RIC1: variants seen among roughly 807,000 people sequenced by gnomAD.
RIC1 encodes the protein RIC1 partner of RAB6A GEF complex, also known as guanine nucleotide exchange factor subunit RIC1.
Under a neutral mutation model 169.0 loss-of-function variants are expected in RIC1, and 88 were observed. The ratio of observed to expected loss-of-function variants is 0.52; its 90% confidence interval spans 0.44 to 0.62. The LOEUF (loss-of-function observed/expected upper bound fraction) is 0.62, where lower values mean the gene tolerates loss of function less well. RIC1 is among the 20% of genes least tolerant of loss of function. The pLI is 0.00. For missense variants in RIC1, 1,877 were observed against 1,725.5 expected, an observed-to-expected ratio of 1.09 and a Z score of -1.56; for synonymous variants, 790 against 601.5, an observed-to-expected ratio of 1.31 and a Z score of -4.59.
intron 2 of RIC1, among the ~76,000 whole-genome samples, chr9:5,687,160 T>C: frequency 6.6e-6 from 1 of 152,198 alleles, no homozygotes; most frequent in East Asian, 1.9e-4. Flanking sequence ...ATTCTTTTAA[T>C]ACCTCTAGAA....
At chr9:5,747,236 C>G in intron 11 of RIC1, 66 bp from the exon 12 acceptor site, 2 of 1,218,090 alleles carry the variant, frequency 1.6e-6, no homozygotes, top group Non-Finnish European at 2.4e-6. Flanking sequence ...TTTTTGCCTG[C>G]GTAATATTGA....
chr9:5,747,591 C>G (rs1045739681), intron 12 of RIC1, 86 bp downstream of exon 12: 10 of 1,173,918 alleles, frequency 8.5e-6, no homozygotes, highest in Non-Finnish European at 1.2e-5. Flanking sequence ...CATCTGTTAA[C>G]TTCAGGCAAC....
chr9:5,732,587 C>A, intron 7 of RIC1, 108 bp downstream of exon 7: 1 of 594,988 alleles, frequency 1.7e-6, no homozygotes, highest in Non-Finnish European at 2.9e-6. Flanking sequence ...CTGCATCATG[C>A]TATCATAATT....
intron 2 of RIC1, among the ~76,000 whole-genome samples, chr9:5,673,027 G>GT (rs772558553): frequency 3.3e-5 from 5 of 152,110 alleles, no homozygotes; most frequent in Non-Finnish European, 7.4e-5. Context: ...GAATGCCTTG[G>GT]TATTGGAGCT....
intron 4 of RIC1, chr9:5,719,155 G>A (rs1372127486): frequency 6.6e-6 from 1 of 152,052 alleles, no homozygotes; most frequent in Admixed American, 6.6e-5. Context: ...TGGCTTTCTT[G>A]ATATCAGTTT....
intron 8 of RIC1, among the ~76,000 whole-genome samples, chr9:5,739,861 A>AT (rs57123805): frequency 0.32 from 49,102 of 151,968 alleles, 8,818 homozygotes; most frequent in East Asian, 0.6. Flanking sequence ...GCAGGGTCCC[A>AT]TTTTTTTCCA....
intron 1 of RIC1, among the ~76,000 whole-genome samples, chr9:5,643,693 G>C (rs1408947896): frequency 2.6e-5 from 4 of 152,080 alleles, no homozygotes; most frequent in Non-Finnish European, 4.4e-5. Flanking sequence ...CTATGTGATT[G>C]TTTACTTCAG....
chr9:5,766,867 G>C (rs187190604), intron 21 of RIC1, among the ~76,000 whole-genome samples: 2 of 152,304 alleles, frequency 1.3e-5, no homozygotes, highest in Admixed American at 6.5e-5. Flanking sequence ...CCAGTAGTGA[G>C]ATTGCTGGAT....
At chr9:5,709,598 C>A (rs964419812) in intron 3 of RIC1, among the ~76,000 whole-genome samples, 2 of 152,158 alleles carry the variant, frequency 1.3e-5, no homozygotes, top group Non-Finnish European at 2.9e-5. Flanking sequence ...TATTCCTATT[C>A]TCCTGGCATT....
intron 2 of RIC1, among the ~76,000 whole-genome samples, chr9:5,688,624 T>C (rs1821400924): frequency 6.6e-6 from 1 of 152,192 alleles, no homozygotes; most frequent in African/African-American, 2.4e-5. Flanking sequence ...CTTACAGTGT[T>C]GAAACTCTAG....
Position 5,669,865 on chromosome 9 carries a change from A to T in RIC1, c.252+13175A>T, listed in dbSNP as rs562991163. Reference sequence around the variant, plus strand: ...TAAAACAACAGGATTCTTGCTGAAGACAGACCAGGGTGATCAGACATCACT... The same window carrying T: ...TAAAACAACAGGATTCTTGCTGAAGTCAGACCAGGGTGATCAGACATCACT... On this transcript the variant is annotated intron_variant, in intron 2 of 25. Transcript: ENST00000414202. Among the ~76,000 whole-genome samples the T allele has an allele frequency of 2.0e-5, 3 of 152,328 alleles. No homozygotes were observed. In the East Asian group the frequency reaches 5.8e-4, roughly 29 times the overall value.
chr9:5,651,042 G>C (rs1243480362), intron 1 of RIC1, among the ~76,000 whole-genome samples: 1 of 152,182 alleles, frequency 6.6e-6, no homozygotes, highest in African/African-American at 2.4e-5. Flanking sequence ...AGGTGGTACA[G>C]GACCCAGTGT....
intron 6 of RIC1, among the ~76,000 whole-genome samples, chr9:5,730,060 G>A (rs753361934): frequency 6.6e-6 from 1 of 152,064 alleles, no homozygotes; most frequent in Admixed American, 6.6e-5. Flanking sequence ...ATGAAAAGCA[G>A]ATGGGCATTA....
chr9:5,744,656 C>T (rs1163769747), intron 10 of RIC1, among the ~76,000 whole-genome samples: 1 of 151,936 alleles, frequency 6.6e-6, no homozygotes, highest in Non-Finnish European at 1.5e-5. Context: ...TTGACTGCAG[C>T]TCATCACATG....
chr9:5,757,502 A>G, intron 17 of RIC1, 51 bp downstream of exon 17: 2 of 1,584,298 alleles, frequency 1.3e-6, no homozygotes, highest in East Asian at 4.5e-5. Flanking sequence ...TGTTTTTAGT[A>G]TTTGAGTCCA....
chr9:5,746,476 G>T (rs901283208), intron 11 of RIC1, among the ~76,000 whole-genome samples: 1 of 152,004 alleles, frequency 6.6e-6, no homozygotes, highest in Admixed American at 6.6e-5. Context: ...TCAAATAAAG[G>T]TAAAACAAAA....
rs1195246786 is a variant in RIC1 at position 5,776,378 on chromosome 9, T to C, written c.*2132T>C. 2.6e-5 allele frequency: 4 copies of C among 152,148 alleles called. No individual in the cohort carries two copies. Among genetic ancestry groups the C allele is most frequent in the African/African-American group, 9.6e-5 (4 of 41,456 alleles). The allele number at this position is 152,148 out of a possible 1,614,324, so 9.4% of individuals were successfully genotyped here. A position where few individuals can be genotyped will look rare whatever the true frequency, so the allele number is the denominator to read the frequency against. Reference sequence around the variant, plus strand: ...TAATTTTAGCCAATGAATTTAAATATTCAGTATAACTATTTGAGGTTTACT... The same window carrying C: ...TAATTTTAGCCAATGAATTTAAATACTCAGTATAACTATTTGAGGTTTACT... On this transcript the variant is annotated 3_prime_UTR_variant, in exon 26 of 26. Coordinates refer to ENST00000414202, the MANE Select transcript of RIC1 (RefSeq NM_020829.4).
intron 3 of RIC1, among the ~76,000 whole-genome samples, chr9:5,700,238 T>A (rs1021701029): frequency 6.6e-6 from 1 of 152,196 alleles, no homozygotes; most frequent in Non-Finnish European, 1.5e-5. Flanking sequence ...TTGTTTTTGT[T>A]AGCCCCAGTT....
At chr9:5,772,830 C>A (rs1007355586) in intron 24 of RIC1, 62 bp from the exon 25 acceptor site, 1 of 1,550,040 alleles carries the variant, frequency 6.5e-7, no homozygotes, top group East Asian at 2.3e-5. Context: ...ATAATCATTG[C>A]ACTTCTGTAC....
Sources: allele counts gnomAD v4.1 joint callset (sites outside exome capture counted in the v4.1 genomes callset), GRCh38; gene constraint gnomAD v4.1.1; transcripts MANE v1.5; gene names NCBI Gene and HGNC (gene_info 2026-07-23, HGNC 2026-07-21).